ABL1: variants seen among roughly 807,000 people sequenced by gnomAD.
ABL1 encodes tyrosine-protein kinase ABL1.
Under a neutral mutation model 94.7 loss-of-function variants are expected in ABL1, and 11 were observed. The ratio of observed to expected loss-of-function variants is 0.12; its 90% confidence interval spans 0.07 to 0.19. ABL1 has a LOEUF of 0.19. Among genes scored for constraint, ABL1 ranks in the 10% least tolerant of loss-of-function variants. The pLI is 1.00. For synonymous variants in ABL1, 656 were observed against 622.4 expected, an observed-to-expected ratio of 1.05 and a Z score of -0.80; for missense variants, 1,082 against 1,489.4, an observed-to-expected ratio of 0.73 and a Z score of 4.50.
At chr9:130,730,456 T>C (rs1831649965) in intron 1 of ABL1, among the ~76,000 whole-genome samples, 1 of 152,238 alleles carries the variant, frequency 6.6e-6, no homozygotes, top group South Asian at 2.1e-4. Flanking sequence ...ATATGTTTAC[T>C]GGCCATTTGG....
At chr9:130,858,286 T>C (rs1218883290) in intron 3 of ABL1, among the ~76,000 whole-genome samples, 1 of 152,034 alleles carries the variant, frequency 6.6e-6, no homozygotes, top group Non-Finnish European at 1.5e-5. Flanking sequence ...GAATTTGAGA[T>C]TCATCCAAAG....
chr9:130,768,474 A>G (rs1239468645), intron 1 of ABL1, among the ~76,000 whole-genome samples: 3 of 152,194 alleles, frequency 2.0e-5, no homozygotes, highest in Admixed American at 1.3e-4. Context: ...AGAAACAGGA[A>G]GTTTCCACTG....
chr9:130,846,471 G>A (rs563496796), intron 1 of ABL1, among the ~76,000 whole-genome samples: 2 of 152,318 alleles, frequency 1.3e-5, no homozygotes, highest in African/African-American at 4.8e-5. Context: ...ATAATTGAAT[G>A]TGAGCAAAAT....
At chr9:130,861,834 G>A (rs1293983546) in intron 3 of ABL1, among the ~76,000 whole-genome samples, 1 of 152,128 alleles carries the variant, frequency 6.6e-6, no homozygotes, top group African/African-American at 2.4e-5. Flanking sequence ...ATTGTTTTTG[G>A]TAAGGAAGTA....
chr9:130,823,297 A>C (rs1830387654), intron 1 of ABL1, among the ~76,000 whole-genome samples: 1 of 152,190 alleles, frequency 6.6e-6, no homozygotes, highest in Admixed American at 6.5e-5. Flanking sequence ...TAAAGGTTAC[A>C]GGACTGTTTC....
chr9:130,839,591 C>T (rs1398813023), intron 1 of ABL1, among the ~76,000 whole-genome samples: 1 of 152,132 alleles, frequency 6.6e-6, no homozygotes, highest in African/African-American at 2.4e-5. Flanking sequence ...AGGAAGGGCC[C>T]CAGTTTAGGT....
chr9:130,802,086 T>G (rs574160059), intron 1 of ABL1, among the ~76,000 whole-genome samples: 1 of 147,102 alleles, frequency 6.8e-6, no homozygotes, highest in East Asian at 1.9e-4. Flanking sequence ...TTCATTTTTT[T>G]CCTTCAGTCT....
At chr9:130,794,134 T>C (rs35218356) in intron 1 of ABL1, among the ~76,000 whole-genome samples, 37,440 of 151,924 alleles carry the variant, frequency 0.25, 6,141 homozygotes, top group African/African-American at 0.48. Context: ...GAACCACCCC[T>C]CAGTGGCCCC....
chr9:130,822,970 G>C (rs942481636), intron 1 of ABL1, among the ~76,000 whole-genome samples: 37 of 152,004 alleles, frequency 2.4e-4, no homozygotes, highest in African/African-American at 8.7e-4. Flanking sequence ...GCTAATTTTT[G>C]AATTTTTAGT....
At position 130,734,462 on chromosome 9, in the gene ABL1, G is replaced by T. The variant is rs374587594; in HGVS notation, c.136+20007G>T. ...GATCTCCTGACCTCGTGATCCGCCC[G>T]CCTTGGCTTCCCAAAGTGCTGGGAT... On this transcript the variant is annotated intron_variant, in intron 1 of 10. Coordinates refer to the ABL1 transcript ENST00000372348. 2.0e-5 allele frequency among the ~76,000 whole-genome samples: 3 copies of T among 150,350 alleles called. No individual in the cohort carries two copies. In the East Asian group the frequency reaches 6.0e-4, roughly 30 times the overall value.
intron 3 of ABL1, among the ~76,000 whole-genome samples, chr9:130,861,985 C>G (rs542705640): frequency 8.0e-4 from 122 of 152,214 alleles, no homozygotes; most frequent in Admixed American, 2.2e-3. Context: ...GGGTTTGACC[C>G]TAGGTCCTCA....
chr9:130,875,450 T>TC (rs1024230138), intron 7 of ABL1, among the ~76,000 whole-genome samples: 1 of 151,736 alleles, frequency 6.6e-6, no homozygotes, highest in African/African-American at 2.4e-5. Context: ...GCCACCCTTT[T>TC]TTTTTTTTTT....
intron 1 of ABL1, among the ~76,000 whole-genome samples, chr9:130,770,618 C>T (rs946486): frequency 0.44 from 66,693 of 152,128 alleles, 15,058 homozygotes; most frequent in Middle Eastern, 0.52. Context: ...CTTTTAATTA[C>T]TTGGCACATA....
rs149493503 is a variant in ABL1 at position 130,808,470 on chromosome 9, C to G, written c.137-45594C>G. On this transcript the variant is annotated intron_variant, in intron 1 of 10. Transcript: ENST00000372348. ...TGTTGGCCAGGCTGGTCTCGAACTC[C>G]TGACCTCAGGTGATTCGCCCACCTT... Among the ~76,000 whole-genome samples the G allele has an allele frequency of 3.4e-3, 521 of 152,226 alleles. 5 individuals carry two copies. The highest frequency in any genetic ancestry group is 0.012 in the African/African-American group (507 of 41,538).
intron 1 of ABL1, among the ~76,000 whole-genome samples, chr9:130,808,464 G>C (rs1434769457): frequency 6.6e-6 from 1 of 152,000 alleles, no homozygotes; most frequent in African/African-American, 2.4e-5. Context: ...GGCTGGTCTC[G>C]AACTCCTGAC....
intron 1 of ABL1, among the ~76,000 whole-genome samples, chr9:130,741,437 A>C (rs959982309): frequency 6.6e-6 from 1 of 151,840 alleles, no homozygotes; most frequent in African/African-American, 2.4e-5. Flanking sequence ...CAGTTACCGC[A>C]CTGATGCACC....
In ABL1 at chr9:130,884,659, ATGAGGAAGCTGC is replaced by A; in HGVS notation, c.2373_2384del (p.Glu791_Ala794del). 1 of 1,613,220 alleles carries A rather than the reference ATGAGGAAGCTGC, an allele frequency of 6.2e-7. No individual in the cohort carries two copies. ...CCTCCCCCCAGGCTGGTGAAAAAGA[ATGAGGAAGCTGC>A]TGATGAGGTCTTCAAAGACATCATG... On this transcript the variant is annotated inframe_deletion, in exon 11 of 11. Coordinates refer to ENST00000318560, the MANE Select transcript of ABL1 (RefSeq NM_005157.6). This position sits in a 1 kb window ranked among gnomAD's most constrained non-coding sequence, Gnocchi z 5.6.
At chr9:130,883,584 G>T (rs1831504942) in intron 10 of ABL1, among the ~76,000 whole-genome samples, 1 of 151,296 alleles carries the variant, frequency 6.6e-6, no homozygotes, top group African/African-American at 2.4e-5. Context: ...CTTCATCCCT[G>T]CACTGGTTTA....
chr9:130,877,628 G>A (rs1156932634), intron 7 of ABL1, among the ~76,000 whole-genome samples: 1 of 146,442 alleles, frequency 6.8e-6, no homozygotes, highest in Non-Finnish European at 1.5e-5. Context: ...GTCTTGTTCT[G>A]TCCTGGTCTC....
Sources: gnomAD v4.1 joint callset for allele counts (sites outside exome capture counted in the v4.1 genomes callset) on GRCh38, gnomAD v4.1.1 for gene constraint, Gnocchi (gnomAD v3.1) non-coding constraint, MANE v1.5 for transcripts, NCBI Gene and HGNC (gene_info 2026-07-23, HGNC 2026-07-21) for gene names.